SLC24A4: variants seen among roughly 807,000 people sequenced by gnomAD.
SLC24A4 encodes solute carrier family 24 member 4, also known as sodium/potassium/calcium exchanger 4.
In SLC24A4, 53 loss-of-function variants were observed where a neutral mutation model predicts 79.0. The observed-to-expected ratio is 0.67, with a 90% CI of 0.54 to 0.84. SLC24A4 has a LOEUF of 0.84. Among genes scored for constraint, SLC24A4 ranks in the 40% least tolerant of loss-of-function variants. The pLI is 0.00. For synonymous variants in SLC24A4, 323 were observed against 323.8 expected (o/e 1.00, Z 0.03); for missense variants, 731 against 822.0 (o/e 0.89, Z 1.35).
chr14:92,445,922 C>T (rs1230777839), intron 8 of SLC24A4, among the ~76,000 whole-genome samples: 1 of 152,192 alleles, frequency 6.6e-6, no homozygotes, highest in South Asian at 2.1e-4. Flanking sequence ...CATAGCCAGG[C>T]ATGGTGGCTC....
intron 12 of SLC24A4, among the ~76,000 whole-genome samples, chr14:92,479,357 C>T (rs1216074452): frequency 6.6e-6 from 1 of 152,130 alleles, no homozygotes; most frequent in South Asian, 2.1e-4. Context: ...CATAGATGCC[C>T]TTTATCCAGT....
At chr14:92,374,512 C>T (rs968330035) in intron 2 of SLC24A4, among the ~76,000 whole-genome samples, 1 of 152,142 alleles carries the variant, frequency 6.6e-6, no homozygotes, top group African/African-American at 2.4e-5. Context: ...CATGTTACTC[C>T]CAGAGCTGGG....
At chr14:92,339,685 A>G (rs1032256845) in intron 2 of SLC24A4, among the ~76,000 whole-genome samples, 4 of 152,220 alleles carry the variant, frequency 2.6e-5, no homozygotes, top group African/African-American at 9.7e-5. Flanking sequence ...TTGGAACCAA[A>G]CAGTCTTAAA....
At chr14:92,442,954 G>A in intron 6 of SLC24A4, 138 bp downstream of exon 6, 1 of 695,746 alleles carries the variant, frequency 1.4e-6, no homozygotes, top group Non-Finnish European at 2.5e-6. Flanking sequence ...TTGGGGCCTG[G>A]TTTTGGCCTC....
chr14:92,444,620 C>T (rs370875112), intron 7 of SLC24A4, among the ~76,000 whole-genome samples: 19 of 152,204 alleles, frequency 1.2e-4, no homozygotes, highest in Middle Eastern at 3.4e-3. Flanking sequence ...TTTGGAAGGC[C>T]GAGGCGGGCT....
At chr14:92,358,648 A>C (rs1887316120) in intron 2 of SLC24A4, among the ~76,000 whole-genome samples, 1 of 145,544 alleles carries the variant, frequency 6.9e-6, no homozygotes, top group Non-Finnish European at 1.5e-5. Flanking sequence ...TCTTTTCTTC[A>C]CCACCTATCT....
upstream of SLC24A4, among the ~76,000 whole-genome samples, chr14:92,322,899 G>A (rs1248792606): frequency 1.3e-5 from 2 of 152,140 alleles, no homozygotes; most frequent in African/African-American, 4.8e-5. Flanking sequence ...AGTCCCCAGC[G>A]GTGCCATAAC....
chr14:92,406,420 T>C (rs1890379699), intron 2 of SLC24A4, among the ~76,000 whole-genome samples: 1 of 152,242 alleles, frequency 6.6e-6, no homozygotes, highest in African/African-American at 2.4e-5. Context: ...GTTTGGACTC[T>C]GTATGGGGGC....
At chr14:92,387,763 A>C (rs1281859351) in intron 2 of SLC24A4, among the ~76,000 whole-genome samples, 1 of 152,196 alleles carries the variant, frequency 6.6e-6, no homozygotes, top group Admixed American at 6.5e-5. Flanking sequence ...TTCTGTCTCT[A>C]AGAACTTGGC....
At chr14:92,469,481 C>A (rs1894315307) in intron 12 of SLC24A4, among the ~76,000 whole-genome samples, 1 of 149,444 alleles carries the variant, frequency 6.7e-6, no homozygotes, top group African/African-American at 2.5e-5. Flanking sequence ...TGCACTCCAG[C>A]CTGGGCACGG....
At chr14:92,474,829 A>ATGTGTGTGTGTGTGTGTG (rs1327061695) in intron 12 of SLC24A4, among the ~76,000 whole-genome samples, 1 of 87,560 alleles carries the variant, frequency 1.1e-5, no homozygotes, top group Non-Finnish European at 2.3e-5. Flanking sequence ...ATACATATAT[A>ATGTGTGTGTGTGTGTGTG]TGTGTGTGTG....
At chr14:92,332,941 T>C (rs1195399345) in intron 2 of SLC24A4, among the ~76,000 whole-genome samples, 2 of 152,182 alleles carry the variant, frequency 1.3e-5, no homozygotes, top group Non-Finnish European at 2.9e-5. Flanking sequence ...CTTTGAAGAA[T>C]TTAGGATGCT....
At chr14:92,397,954 C>G (rs1201454232) in intron 2 of SLC24A4, among the ~76,000 whole-genome samples, 1 of 152,178 alleles carries the variant, frequency 6.6e-6, no homozygotes, top group Non-Finnish European at 1.5e-5. Flanking sequence ...AGGAGCCTAG[C>G]CTGACCCCTC....
chr14:92,413,276 G>T (rs913553016), intron 2 of SLC24A4, among the ~76,000 whole-genome samples: 1 of 151,862 alleles, frequency 6.6e-6, no homozygotes, highest in Non-Finnish European at 1.5e-5. Context: ...TTCCCATTGC[G>T]GCCTTCCCAC....
chr14:92,371,503 C>A (rs1566720800), intron 2 of SLC24A4, among the ~76,000 whole-genome samples: 1 of 152,184 alleles, frequency 6.6e-6, no homozygotes, highest in Non-Finnish European at 1.5e-5. Flanking sequence ...GCCAGAGATT[C>A]CACTCTATAC....
chr14:92,337,820 A>AT (rs777547220), intron 2 of SLC24A4, among the ~76,000 whole-genome samples: 5 of 152,120 alleles, frequency 3.3e-5, no homozygotes, highest in Non-Finnish European at 7.3e-5. Context: ...TGCTTACAGG[A>AT]GTGCCTGGCA....
chr14:92,479,866 C>A (rs995164414), intron 12 of SLC24A4, among the ~76,000 whole-genome samples: 5 of 152,196 alleles, frequency 3.3e-5, no homozygotes, highest in African/African-American at 9.6e-5. Flanking sequence ...TTTTAAATTG[C>A]TGTTTCAATC....
intron 12 of SLC24A4, among the ~76,000 whole-genome samples, chr14:92,470,377 A>ATTGAT (rs1389495426): frequency 6.6e-6 from 1 of 152,194 alleles, no homozygotes; most frequent in African/African-American, 2.4e-5. Context: ...ATCCCTGCAA[A>ATTGAT]CCACAGGTTA....
At chr14:92,481,153 G>T (rs1454445602) in intron 12 of SLC24A4, among the ~76,000 whole-genome samples, 1 of 152,234 alleles carries the variant, frequency 6.6e-6, no homozygotes, top group African/African-American at 2.4e-5. Flanking sequence ...AAGTTAGGCA[G>T]AGATGAAAGC....
Sources: gnomAD v4.1 joint callset for allele counts (sites outside exome capture counted in the v4.1 genomes callset) on GRCh38, gnomAD v4.1.1 for gene constraint, MANE v1.5 for transcripts, NCBI Gene and HGNC (gene_info 2026-07-23, HGNC 2026-07-21) for gene names.